NAV2: variants seen among roughly 807,000 people sequenced by gnomAD.
NAV2 encodes helicase, APC down-regulated 1.
NAV2 carries 54 observed loss-of-function variants against 223.2 expected under a neutral mutation model. That is an observed-to-expected ratio of 0.24 (90% CI 0.19 to 0.30). The LOEUF is 0.30. Among genes scored for constraint, NAV2 ranks in the 10% least tolerant of loss-of-function variants. The pLI is 1.00. For synonymous variants in NAV2, 1,279 were observed against 1,239.3 expected (o/e 1.03, Z -0.67); for missense variants, 2,806 against 3,147.5 (o/e 0.89, Z 2.60).
intron 1 of NAV2, among the ~76,000 whole-genome samples, chr11:19,516,394 G>A (rs1231965703): frequency 2.6e-5 from 4 of 152,262 alleles, no homozygotes; most frequent in South Asian, 4.1e-4. Flanking sequence ...CACCGTGGGC[G>A]GGAAATCACA....
intron 1 of NAV2, among the ~76,000 whole-genome samples, chr11:19,363,275 T>C (rs1358725205): frequency 3.3e-5 from 5 of 152,196 alleles, no homozygotes; most frequent in Non-Finnish European, 7.3e-5. Context: ...AATGATGGTT[T>C]CCAGCTTCAT....
At chr11:19,346,010 G>A (rs548053937), upstream of NAV2, among the ~76,000 whole-genome samples, 1 of 152,162 alleles carries the variant, frequency 6.6e-6, no homozygotes, top group South Asian at 2.1e-4. Flanking sequence ...TTCTGTAGGC[G>A]TCTCTGTGTT....
chr11:19,934,343 G>A (rs566157375), intron 7 of NAV2, 66 bp downstream of exon 7: 124 of 1,480,338 alleles, frequency 8.4e-5, no homozygotes, highest in Middle Eastern at 5.4e-4. Context: ...AGTGGATTCC[G>A]GGTCTGTAAG....
rs1001863822 is a variant in NAV2, at chr11:19,989,055, G to A, written c.2768+4808G>A. Among the ~76,000 whole-genome samples, 6 of 152,092 alleles carry A rather than the reference G, an allele frequency of 3.9e-5. No individual in the cohort carries two copies. The East Asian group carries it at 9.6e-4, about 24-fold the overall frequency. ...GCCACATAAGAGAAGCAGCAAAAACGGGAAGAGACTGCTCCCCTCACGCTT... is the reference window on the plus strand; with the variant it reads ...GCCACATAAGAGAAGCAGCAAAAACAGGAAGAGACTGCTCCCCTCACGCTT... On this transcript the variant is annotated intron_variant, in intron 11 of 37. Transcript: ENST00000349880.
intron 12 of NAV2, 167 bp from the exon 13 acceptor site, chr11:20,043,814 A>T: frequency 1.7e-6 from 1 of 581,788 alleles, no homozygotes; most frequent in Non-Finnish European, 3.0e-6. Context: ...AAAAAAAAAA[A>T]TCAGTCTTTC....
chr11:20,034,367 T>TG (rs879481179), intron 11 of NAV2, among the ~76,000 whole-genome samples: 2,393 of 99,386 alleles, frequency 0.024, 34 homozygotes, highest in Non-Finnish European at 0.04. Context: ...TTTTTGTTTT[T>TG]TTTTTTTTTT....
chr11:19,887,841 TA>T (rs974795366), intron 5 of NAV2, among the ~76,000 whole-genome samples: 1 of 152,088 alleles, frequency 6.6e-6, no homozygotes, highest in African/African-American at 2.4e-5. Context: ...CATCTCTGAT[TA>T]TGACCGCCCC....
At chr11:19,849,603 CA>C (rs2061002508) in intron 3 of NAV2, among the ~76,000 whole-genome samples, 2 of 152,222 alleles carry the variant, frequency 1.3e-5, no homozygotes, top group Non-Finnish European at 2.9e-5. Flanking sequence ...GCCCTCCCAA[CA>C]GCTGCCAGAA....
At chr11:19,530,156 C>T (rs1430448725) in intron 1 of NAV2, among the ~76,000 whole-genome samples, 2 of 152,096 alleles carry the variant, frequency 1.3e-5, no homozygotes, top group Admixed American at 6.5e-5. Context: ...CTGGCATTAG[C>T]ATTCTGGTGA....
intron 1 of NAV2, among the ~76,000 whole-genome samples, chr11:19,520,154 G>A (rs1412318505): frequency 1.3e-5 from 2 of 152,134 alleles, no homozygotes; most frequent in Non-Finnish European, 2.9e-5. Flanking sequence ...CCACGCTCAG[G>A]CAGCCACTGA....
intron 1 of NAV2, among the ~76,000 whole-genome samples, chr11:19,725,288 A>G (rs551072755): frequency 6.6e-6 from 1 of 152,302 alleles, no homozygotes; most frequent in South Asian, 2.1e-4. Flanking sequence ...GTGACTACAG[A>G]GCTTGCCTCC....
intron 1 of NAV2, among the ~76,000 whole-genome samples, chr11:19,407,962 A>C (rs926593405): frequency 1.3e-5 from 2 of 152,146 alleles, no homozygotes; most frequent in African/African-American, 4.8e-5. Context: ...GGAGCCCCCC[A>C]AGATGCGTAC....
At chr11:19,773,606 A>G (rs1487077154) in intron 1 of NAV2, among the ~76,000 whole-genome samples, 1 of 152,174 alleles carries the variant, frequency 6.6e-6, no homozygotes, top group Non-Finnish European at 1.5e-5. Context: ...GTCTTGGTGG[A>G]AGATTATGGA....
chr11:19,387,598 G>C (rs1849092004), intron 1 of NAV2, among the ~76,000 whole-genome samples: 1 of 152,096 alleles, frequency 6.6e-6, no homozygotes, highest in African/African-American at 2.4e-5. Flanking sequence ...GTAGTTGGTG[G>C]GTATTGAGTG....
chr11:19,876,663 C>T (rs1316531029), intron 4 of NAV2, among the ~76,000 whole-genome samples: 2 of 152,082 alleles, frequency 1.3e-5, no homozygotes, highest in African/African-American at 2.4e-5. Flanking sequence ...GAGAATACAA[C>T]AGGACTGATG....
At chr11:19,624,171 G>A (rs778806180) in intron 1 of NAV2, among the ~76,000 whole-genome samples, 6 of 152,124 alleles carry the variant, frequency 3.9e-5, no homozygotes, top group African/African-American at 1.2e-4. Flanking sequence ...GGTGTCAGTC[G>A]GACCCTACTG....
chr11:19,458,475 A>G (rs1852038126), intron 1 of NAV2, among the ~76,000 whole-genome samples: 1 of 152,260 alleles, frequency 6.6e-6, no homozygotes, highest in Non-Finnish European at 1.5e-5. Context: ...GCCCAGGACC[A>G]TTCCATGGCT....
intron 25 of NAV2, 99 bp from the exon 26 acceptor site, chr11:20,082,908 A>C: frequency 8.6e-7 from 1 of 1,161,982 alleles, no homozygotes; most frequent in Non-Finnish European, 1.2e-6. Context: ...GGGGAAAAAC[A>C]TGGGAGAATT....
intron 1 of NAV2, among the ~76,000 whole-genome samples, chr11:19,475,380 A>T (rs530707042): frequency 6.6e-6 from 1 of 152,324 alleles, no homozygotes; most frequent in South Asian, 2.1e-4. Flanking sequence ...TTTGAGCCAC[A>T]TGGAAGGCGG....
Sources: allele counts gnomAD v4.1 joint callset (sites outside exome capture counted in the v4.1 genomes callset), GRCh38; gene constraint gnomAD v4.1.1; transcripts MANE v1.5; gene names NCBI Gene and HGNC (gene_info 2026-07-23, HGNC 2026-07-21).